The following TRIO variants were observed in gnomAD, a reference collection of about 807,000 sequenced individuals.
TRIO encodes trio Rho guanine nucleotide exchange factor, also known as triple functional domain protein.
Under a neutral mutation model 351.9 loss-of-function variants are expected in TRIO, and 58 were observed. The observed-to-expected ratio is 0.16, with a 90% confidence interval of 0.13 to 0.21. The LOEUF (loss-of-function observed/expected upper bound fraction) is 0.21, where lower values mean the gene tolerates loss of function less well. Among genes scored for constraint, TRIO ranks in the 10% least tolerant of loss-of-function variants. The pLI is 1.00. For missense variants in TRIO, 3,201 were observed against 4,027.8 expected (o/e 0.79, Z 5.56); for synonymous variants, 1,758 against 1,595.7 (o/e 1.10, Z -2.42).
At chr5:14,414,538 CCTT>C (rs1052262905) in intron 33 of TRIO, among the ~76,000 whole-genome samples, 9 of 152,132 alleles carry the variant, frequency 5.9e-5, no homozygotes, top group East Asian at 1.9e-4. Context: ...TGTCCTCACT[CCTT>C]CTTTTCCAGA....
intron 7 of TRIO, among the ~76,000 whole-genome samples, chr5:14,303,287 C>T (rs1738070992): frequency 7.6e-6 from 1 of 132,080 alleles, no homozygotes; most frequent in Non-Finnish European, 1.6e-5. Context: ...TGGAGGGTGG[C>T]AGTGGAGGAG....
In TRIO at chr5:14,225,709, G is replaced by A. The variant is rs114081678; in HGVS notation, c.158-45116G>A. On this transcript the variant is annotated intron_variant, in intron 1 of 56. Transcript: ENST00000344204. Reference sequence around the variant, plus strand: ...CCCTTGATGAGTCAGGCCCACCAGGGAAGTCTCCCTTTTGATGAACACAGA... The same window carrying A: ...CCCTTGATGAGTCAGGCCCACCAGGAAAGTCTCCCTTTTGATGAACACAGA... 9.2e-3 allele frequency among the ~76,000 whole-genome samples: 1,388 copies of A among 151,608 alleles called. 14 individuals carry two copies. The highest frequency in any genetic ancestry group is 0.032 in the African/African-American group (1,303 of 41,278).
chr5:14,231,842 T>A (rs1049888271), intron 1 of TRIO, among the ~76,000 whole-genome samples: 1 of 125,370 alleles, frequency 8.0e-6, no homozygotes, highest in African/African-American at 3.4e-5. Flanking sequence ...AGCCAGTGAC[T>A]GATTTTTTTT....
At chr5:14,434,549 A>T (rs1751434653) in intron 34 of TRIO, among the ~76,000 whole-genome samples, 1 of 152,216 alleles carries the variant, frequency 6.6e-6, no homozygotes, top group African/African-American at 2.4e-5. Flanking sequence ...TGACAAAAAT[A>T]GTTCAGAGAA....
chr5:14,149,168 G>C (rs1787681695), intron 1 of TRIO, among the ~76,000 whole-genome samples: 1 of 152,112 alleles, frequency 6.6e-6, no homozygotes, highest in Admixed American at 6.5e-5. Flanking sequence ...CTGGACCCCT[G>C]GTCTCCTCCC....
rs999903293 is a variant in TRIO at position 14,143,589 on chromosome 5, C to T, written c.-137C>T. The T allele has an allele frequency of 2.2e-5, 4 of 183,286 alleles. No individual in the cohort carries two copies. The highest frequency in any genetic ancestry group is 3.0e-5 in the Non-Finnish European group (3 of 99,104). 11.4% of individuals were successfully genotyped at this position (183,286 alleles called of 1,614,324 possible). A position where few individuals can be genotyped will look rare whatever the true frequency, so the allele number is the denominator to read the frequency against. Reference sequence around the variant, plus strand: ...GAGCCGCCGCCGCCGCCCCCCGCCGCCCCGGGGCTCTGCGTCCGCGCGCCG... The same window carrying T: ...GAGCCGCCGCCGCCGCCCCCCGCCGTCCCGGGGCTCTGCGTCCGCGCGCCG... On this transcript the variant is annotated 5_prime_UTR_variant, in exon 1 of 57. Coordinates refer to ENST00000344204, the MANE Select transcript of TRIO (RefSeq NM_007118.4).
chr5:14,285,233 GTTA>G (rs1343454290), intron 3 of TRIO, among the ~76,000 whole-genome samples: 1 of 150,578 alleles, frequency 6.6e-6, no homozygotes, highest in Non-Finnish European at 1.5e-5. Context: ...CTATGAGATA[GTTA>G]TTAGAAGTTC....
At chr5:14,264,605 G>GTCT (rs1308625361) in intron 1 of TRIO, among the ~76,000 whole-genome samples, 2 of 151,600 alleles carry the variant, frequency 1.3e-5, no homozygotes, top group Non-Finnish European at 2.9e-5. Context: ...ATAACCTTGT[G>GTCT]TCTTCCCCCC....
intron 34 of TRIO, among the ~76,000 whole-genome samples, chr5:14,446,941 T>G (rs1276706605): frequency 2.0e-5 from 3 of 152,154 alleles, no homozygotes; most frequent in Non-Finnish European, 4.4e-5. Flanking sequence ...CTGTAGACAG[T>G]GTAAAGTGGC....
At chr5:14,387,949 C>G in intron 23 of TRIO, 102 bp downstream of exon 23, 1 of 1,287,264 alleles carries the variant, frequency 7.8e-7, no homozygotes. Flanking sequence ...CACATGGCAC[C>G]CAGGCTTTTT....
intron 1 of TRIO, among the ~76,000 whole-genome samples, chr5:14,203,217 C>T (rs1309503881): frequency 6.6e-6 from 1 of 151,988 alleles, no homozygotes; most frequent in East Asian, 1.9e-4. Flanking sequence ...AAGGATTTTT[C>T]CAAAGAATGT....
rs777241013 is a variant in TRIO, at chr5:14,492,812, C to T, written c.7878C>T (p.Leu2626=). The change falls in exon 49 of 57, where the codon CTC becomes CTT. Residue 2626 remains leucine, a splice_region_variant and synonymous_variant. Coordinates refer to ENST00000344204, the MANE Select transcript of TRIO (RefSeq NM_007118.4). ...TCGTGGAGAACCCGGACGGGACTCT[C>T]AAGTGAGTGCTTGACAGTAACGGCG... The part of the protein sequence containing the change: ...AVIVENPDGT[L]KKSTSWHTAL... 3.1e-6 allele frequency: 5 copies of T among 1,613,006 alleles called. No individual in the cohort carries two copies. Among genetic ancestry groups the T allele is most frequent in the African/African-American group, 1.3e-5 (1 of 74,922 alleles).
intron 46 of TRIO, among the ~76,000 whole-genome samples, chr5:14,484,855 A>C (rs1755801917): frequency 6.6e-6 from 1 of 151,992 alleles, no homozygotes; most frequent in Non-Finnish European, 1.5e-5. Flanking sequence ...GAATCATAAC[A>C]ATAGTTGTAT....
rs1399228299 is a variant in TRIO at position 14,492,615 on chromosome 5, G to A, written c.7681G>A (p.Asp2561Asn). Reference protein sequence around the residue: ...SNISTMLVTHDYTAVKEDEIN... With the variant: ...SNISTMLVTHNYTAVKEDEIN... ...CATCTCCACCATGTTGGTGACACACGATTACACGGCAGTGAAGGAGGATGA... is the reference window on the plus strand; with the variant it reads ...CATCTCCACCATGTTGGTGACACACAATTACACGGCAGTGAAGGAGGATGA... The change falls in exon 49 of 57, where the codon GAT (aspartate) becomes AAT (asparagine). Residue 2561 changes from aspartate (D) to asparagine (N), a missense_variant. Asp to Asn is a conservative substitution (Grantham distance 23, BLOSUM62 1). Around this residue, in one of 19 missense-constraint regions of TRIO, gnomAD observed 1,089 missense variants for 954.9 expected, o/e 1.14. Coordinates refer to ENST00000344204, the MANE Select transcript of TRIO (RefSeq NM_007118.4). The A allele has an allele frequency of 2.5e-6, 4 of 1,614,068 alleles. No homozygotes were observed. Among genetic ancestry groups the A allele is most frequent in the Non-Finnish European group, 3.4e-6 (4 of 1,180,046 alleles).
chr5:14,472,672 GA>G lies in TRIO; in HGVS notation c.5979+17del, dbSNP rs545516525. On this transcript the variant is annotated intron_variant, in intron 39 of 56. Coordinates refer to ENST00000344204, the MANE Select transcript of TRIO (RefSeq NM_007118.4). ...TATGTGGTTGAGGTGTGTATTGCCA[GA>G]AATTTAGTATCTTCGTATCAGTTCC... The G allele has an allele frequency of 2.5e-6, 4 of 1,613,074 alleles. No homozygotes were observed. In the South Asian group the frequency reaches 4.4e-5, roughly 18 times the overall value.
intron 28 of TRIO, among the ~76,000 whole-genome samples, chr5:14,395,125 C>A (rs1048259300): frequency 6.6e-6 from 1 of 152,138 alleles, no homozygotes; most frequent in Non-Finnish European, 1.5e-5. Context: ...TCTTCTTTAC[C>A]CTTTTTGTTA....
chr5:14,412,388 G>A (rs1250286546), intron 33 of TRIO, among the ~76,000 whole-genome samples: 3 of 152,316 alleles, frequency 2.0e-5, no homozygotes, highest in East Asian at 3.9e-4. Context: ...AAATTGCAGC[G>A]TCGAGGTAGT....
At chr5:14,198,170 TAG>T (rs909930444) in intron 1 of TRIO, among the ~76,000 whole-genome samples, 4 of 152,180 alleles carry the variant, frequency 2.6e-5, no homozygotes, top group Non-Finnish European at 5.9e-5. Context: ...TTGAAATATA[TAG>T]AGTTTTAGCC....
chr5:14,488,865 C>CGAGGCGGCTCTGCAGTGCAGGCTG, intron 48 of TRIO: 2 of 718,768 alleles, frequency 2.8e-6, no homozygotes, highest in South Asian at 2.9e-5. Flanking sequence ...GGGCACCTGG[C>CGAGGCGGCTCTGCAGTGCAGGCTG]GAGGCGGCTC....
Sources: gnomAD v4.1 joint callset for allele counts (sites outside exome capture counted in the v4.1 genomes callset) on GRCh38, gnomAD v4.1.1 for gene constraint, gnomAD v4.1.1 regional missense constraint, MANE v1.5 for transcripts, NCBI Gene and HGNC (gene_info 2026-07-23, HGNC 2026-07-21) for gene names.